The following ZNF609 variants were observed in gnomAD, a reference collection of about 807,000 sequenced individuals.
The protein encoded by ZNF609 is zinc finger protein 609.
ZNF609 carries 11 observed loss-of-function variants against 109.5 expected under a neutral mutation model. That is an observed-to-expected ratio of 0.10 (90% CI 0.06 to 0.17). ZNF609 has a LOEUF of 0.17. ZNF609 is among the 10% of genes least tolerant of loss of function. The probability of loss-of-function intolerance (pLI) is 1.00; values close to 1 mark genes in which losing one functional copy is unlikely to be tolerated. For missense variants in ZNF609, 1,559 were observed against 1,772.4 expected, an observed-to-expected ratio of 0.88 and a Z score of 2.16; for synonymous variants, 646 against 662.0, an observed-to-expected ratio of 0.98 and a Z score of 0.37.
intron 1 of ZNF609, among the ~76,000 whole-genome samples, chr15:64,474,594 C>G (rs1211496784): frequency 6.6e-6 from 1 of 152,002 alleles, no homozygotes; most frequent in Non-Finnish European, 1.5e-5. Context: ...GTATTGCATA[C>G]TACATACAAC....
At chr15:64,666,706 T>G (rs1208869940) in intron 3 of ZNF609, among the ~76,000 whole-genome samples, 2 of 151,996 alleles carry the variant, frequency 1.3e-5, no homozygotes, top group African/African-American at 4.8e-5. Context: ...GAGATGGGGT[T>G]TCACCATCTT....
chr15:64,545,185 T>C (rs1261314911), intron 2 of ZNF609, among the ~76,000 whole-genome samples: 1 of 152,042 alleles, frequency 6.6e-6, no homozygotes, highest in African/African-American at 2.4e-5. Context: ...GAGAAGAGTA[T>C]GCAGTATACA....
chr15:64,598,678 A>ATTTTTTGG (rs1019529329), intron 2 of ZNF609, among the ~76,000 whole-genome samples: 7 of 136,536 alleles, frequency 5.1e-5, no homozygotes, highest in Non-Finnish European at 1.1e-4. Context: ...TTTTGTGGTT[A>ATTTTTTGG]TTTTTTGGTT....
intron 2 of ZNF609, among the ~76,000 whole-genome samples, chr15:64,590,294 G>A (rs534901203): frequency 9.9e-5 from 15 of 152,216 alleles, no homozygotes; most frequent in African/African-American, 2.6e-4. Context: ...GGGAGAGAGC[G>A]TATGGGATAA....
In ZNF609 at chr15:64,678,262, G is replaced by A. The variant is rs752203247; in HGVS notation, c.3549G>A (p.Gly1183=). The A allele has an allele frequency of 6.2e-7, 1 of 1,614,160 alleles. No homozygotes were observed. Among genetic ancestry groups the A allele is most frequent in the Non-Finnish European group, 8.5e-7 (1 of 1,180,034 alleles). The change falls in exon 6 of 10, where the codon GGG becomes GGA. Residue 1183 remains glycine (G), a synonymous_variant. Coordinates refer to ENST00000326648, the MANE Select transcript of ZNF609 (RefSeq NM_015042.2). The stretch of plus-strand genomic sequence containing the variant: ...AGGACTCTGTCCCCAAGGAAGATGG[G>A]AAGGAAAGCACAAGTAGTGACTGCA... ...RSKDSVPKED[G]KESTSSDCKL... is the part of the protein sequence containing the mutation.
At chr15:64,514,882 C>T (rs1378316527) in intron 2 of ZNF609, among the ~76,000 whole-genome samples, 1 of 152,174 alleles carries the variant, frequency 6.6e-6, no homozygotes, top group Non-Finnish European at 1.5e-5. Flanking sequence ...AGTGATCCTT[C>T]CGCCTTAGCC....
At chr15:64,491,804 C>T (rs573540869) in intron 1 of ZNF609, among the ~76,000 whole-genome samples, 6 of 151,944 alleles carry the variant, frequency 3.9e-5, no homozygotes, top group Admixed American at 3.3e-4. Flanking sequence ...GAGACTGTGC[C>T]GTTGCACTCC....
At chr15:64,663,085 G>A (rs954738424) in intron 3 of ZNF609, among the ~76,000 whole-genome samples, 3 of 152,092 alleles carry the variant, frequency 2.0e-5, no homozygotes, top group African/African-American at 7.2e-5. Context: ...AGAAATGATA[G>A]GATATGAGAG....
chr15:64,497,164 C>T (rs1402494871), intron 1 of ZNF609, among the ~76,000 whole-genome samples: 1 of 152,096 alleles, frequency 6.6e-6, no homozygotes, highest in Admixed American at 6.6e-5. Context: ...TTGTGAGTAA[C>T]TTTTTTCATA....
At chr15:64,656,871 C>A (rs573856105) in intron 3 of ZNF609, among the ~76,000 whole-genome samples, 2 of 152,074 alleles carry the variant, frequency 1.3e-5, no homozygotes, top group South Asian at 4.2e-4. Flanking sequence ...CCCTGCCCCC[C>A]ACCTCCAAGA....
chr15:64,516,443 C>T (rs1342641070), intron 2 of ZNF609, among the ~76,000 whole-genome samples: 1 of 152,108 alleles, frequency 6.6e-6, no homozygotes, highest in Admixed American at 6.5e-5. Flanking sequence ...ACGATCTCGT[C>T]TCACTGCAAG....
chr15:64,660,992 C>G (rs1339595571), intron 3 of ZNF609, among the ~76,000 whole-genome samples: 3 of 152,040 alleles, frequency 2.0e-5, no homozygotes, highest in South Asian at 4.1e-4. Flanking sequence ...GGGTTTCACT[C>G]CCGTCACCCA....
At chr15:64,490,858 A>G (rs1314190417) in intron 1 of ZNF609, among the ~76,000 whole-genome samples, 1 of 152,216 alleles carries the variant, frequency 6.6e-6, no homozygotes, top group Non-Finnish European at 1.5e-5. Context: ...GTGAAATGAA[A>G]CAGGTCAAGC....
At chr15:64,656,595 C>T (rs17800976) in intron 3 of ZNF609, among the ~76,000 whole-genome samples, 1 of 152,122 alleles carries the variant, frequency 6.6e-6, no homozygotes, top group Non-Finnish European at 1.5e-5. Context: ...TCTGACCTAA[C>T]AGTCCATGGC....
chr15:64,666,698 G>T (rs935143401), intron 3 of ZNF609, among the ~76,000 whole-genome samples: 1 of 151,928 alleles, frequency 6.6e-6, no homozygotes, highest in African/African-American at 2.4e-5. Flanking sequence ...TTTTAGTAGA[G>T]ATGGGGTTTC....
chr15:64,589,376 T>TCAG (rs112200625), intron 2 of ZNF609, among the ~76,000 whole-genome samples: 6,568 of 152,076 alleles, frequency 0.043, 464 homozygotes, highest in African/African-American at 0.15. Flanking sequence ...AACAGAAACT[T>TCAG]CAGCAGCAGC....
chr15:64,616,835 T>TTTTG (rs1895806535), intron 2 of ZNF609, among the ~76,000 whole-genome samples: 1 of 127,856 alleles, frequency 7.8e-6, no homozygotes, highest in Admixed American at 8.1e-5. Context: ...TTTTTTTTTT[T>TTTTG]TTGCACTCTG....
intron 2 of ZNF609, among the ~76,000 whole-genome samples, chr15:64,563,539 G>A (rs548827006): frequency 1.1e-4 from 17 of 152,116 alleles, no homozygotes; most frequent in Non-Finnish European, 2.2e-4. Flanking sequence ...CACTTGGGGA[G>A]GCCGAGGTGG....
chr15:64,528,687 G>A, intron 2 of ZNF609: 9 of 1,173,816 alleles, frequency 7.7e-6, no homozygotes, highest in Non-Finnish European at 8.8e-6. Context: ...GAGGCATTGT[G>A]GGCCATGAGG....
Sources: gnomAD v4.1 joint callset for allele counts (sites outside exome capture counted in the v4.1 genomes callset) on GRCh38, gnomAD v4.1.1 for gene constraint, MANE v1.5 for transcripts, NCBI Gene and HGNC (gene_info 2026-07-23, HGNC 2026-07-21) for gene names.